Variants in RFX4 observed in about 807,000 individuals in gnomAD.
The protein encoded by RFX4 is transcription factor RFX4.
RFX4 carries 10 observed loss-of-function variants against 95.0 expected under a neutral mutation model. That is an observed-to-expected ratio of 0.11 (90% CI 0.06 to 0.18). The LOEUF (loss-of-function observed/expected upper bound fraction) is 0.18, where lower values mean the gene tolerates loss of function less well. RFX4 is among the 10% of genes least tolerant of loss of function. RFX4 has a pLI of 1.00. For synonymous variants in RFX4, 321 were observed against 340.7 expected (o/e 0.94, Z 0.64); for missense variants, 640 against 922.0 (o/e 0.69, Z 3.96).
intron 7 of RFX4, among the ~76,000 whole-genome samples, chr12:106,691,350 C>A (rs1283899760): frequency 6.6e-6 from 1 of 152,204 alleles, no homozygotes; most frequent in Non-Finnish European, 1.5e-5. Context: ...CAAGGTCACA[C>A]AGTTGGTTAG....
At chr12:106,737,317 C>T (rs1464448866) in intron 15 of RFX4, among the ~76,000 whole-genome samples, 1 of 151,476 alleles carries the variant, frequency 6.6e-6, no homozygotes, top group Non-Finnish European at 1.5e-5. Flanking sequence ...GTGCTAAACA[C>T]TTTCGGATAG....
chr12:106,696,544 C>G, intron 8 of RFX4, 98 bp downstream of exon 8: 1 of 1,312,302 alleles, frequency 7.6e-7, no homozygotes, highest in Non-Finnish European at 1.0e-6. Flanking sequence ...GTCCAGAGGC[C>G]TCCCTTGTAA....
chr12:106,590,948 G>GA (rs1003352612), intron 1 of RFX4, among the ~76,000 whole-genome samples: 2 of 148,646 alleles, frequency 1.3e-5, no homozygotes, highest in African/African-American at 5.0e-5. Context: ...CTGTCTCAAA[G>GA]AAAAAAATAA....
At position 106,586,160 on chromosome 12, in the gene RFX4, C is replaced by G. The variant is rs991594091; in HGVS notation, c.43+2797C>G. 2.0e-5 allele frequency among the ~76,000 whole-genome samples: 3 copies of G among 152,146 alleles called. No homozygotes were observed. Among genetic ancestry groups the G allele is most frequent in the Non-Finnish European group, 2.9e-5 (2 of 68,006 alleles). On this transcript the variant is annotated intron_variant, in intron 1 of 17. Transcript: ENST00000392842. This position sits in a 1 kb window ranked among gnomAD's most constrained non-coding sequence, Gnocchi z 5.6. ...CCAGCTTGCCGCGCGCCGCGGTGCT[C>G]CGGCAGGAGGCAAAGGCGACAGGCG...
chr12:106,619,762 G>A (rs939870291), intron 2 of RFX4, among the ~76,000 whole-genome samples: 1 of 152,010 alleles, frequency 6.6e-6, no homozygotes, highest in South Asian at 2.1e-4. Flanking sequence ...TTTTGCTCTG[G>A]TTTGTCCATC....
At chr12:106,632,693 C>CT (rs1362795007) in intron 2 of RFX4, among the ~76,000 whole-genome samples, 6 of 152,116 alleles carry the variant, frequency 3.9e-5, no homozygotes, top group Non-Finnish European at 7.3e-5. Flanking sequence ...TTTAATTTTA[C>CT]TTTACTTTTG....
chr12:106,663,808 T>C (rs1259267766), intron 4 of RFX4, among the ~76,000 whole-genome samples: 1 of 151,914 alleles, frequency 6.6e-6, no homozygotes, highest in Non-Finnish European at 1.5e-5. Context: ...AAATACTTTT[T>C]GTGCATCTGT....
intron 17 of RFX4, among the ~76,000 whole-genome samples, chr12:106,759,874 C>T (rs368108340): frequency 6.6e-6 from 1 of 152,120 alleles, no homozygotes; most frequent in East Asian, 1.9e-4. Flanking sequence ...AAATTGGGAT[C>T]CCTCTTTCTT....
intron 2 of RFX4, among the ~76,000 whole-genome samples, chr12:106,627,221 G>A (rs1056546568): frequency 1.3e-5 from 2 of 152,174 alleles, no homozygotes; most frequent in Non-Finnish European, 2.9e-5. Context: ...ACCACTTAAG[G>A]TGACTCATCA....
At chr12:106,596,083 C>G (rs2039613676) in intron 1 of RFX4, among the ~76,000 whole-genome samples, 1 of 152,158 alleles carries the variant, frequency 6.6e-6, no homozygotes, top group African/African-American at 2.4e-5. Context: ...TTCCCCCAAC[C>G]CCCACACACA....
chr12:106,738,632 A>AT (rs1491232892), intron 15 of RFX4, among the ~76,000 whole-genome samples: 12 of 152,192 alleles, frequency 7.9e-5, no homozygotes, highest in African/African-American at 2.7e-4. Context: ...TTGTTCTCAG[A>AT]TATCTCCATG....
intron 7 of RFX4, among the ~76,000 whole-genome samples, chr12:106,692,362 A>G (rs2041801273): frequency 6.6e-6 from 1 of 152,058 alleles, no homozygotes; most frequent in African/African-American, 2.4e-5. Flanking sequence ...AATTATACCT[A>G]TCTCATAGTG....
chr12:106,628,762 C>CTTTTTTTTTTTTT (rs397850563), intron 2 of RFX4, among the ~76,000 whole-genome samples: 1 of 133,270 alleles, frequency 7.5e-6, no homozygotes, highest in Non-Finnish European at 1.6e-5. Flanking sequence ...ATATATGTTC[C>CTTTTTTTTTTTTT]TTTTTTTTTT....
intron 13 of RFX4, among the ~76,000 whole-genome samples, chr12:106,729,218 C>CAAA: frequency 6.6e-6 from 1 of 152,290 alleles, no homozygotes; most frequent in East Asian, 1.9e-4. Flanking sequence ...TTTCATAGTA[C>CAAA]ATTTCTCTCT....
At chr12:106,705,753 T>G (rs1592962143) in intron 8 of RFX4, among the ~76,000 whole-genome samples, 1 of 150,506 alleles carries the variant, frequency 6.6e-6, no homozygotes, top group Non-Finnish European at 1.5e-5. Flanking sequence ...ATAAGGAGGG[T>G]AGGGAGGGGG....
At chr12:106,601,311 G>A (rs376444772) in intron 1 of RFX4, 14 of 1,595,858 alleles carry the variant, frequency 8.8e-6, no homozygotes, top group Admixed American at 1.7e-5. Context: ...GGTGCGGGAG[G>A]CGACAGGACC....
rs1416248352 is a variant in RFX4 at position 106,654,272 on chromosome 12, G to A, written c.236G>A (p.Arg79His). Residue 79 changes from arginine to histidine, a missense_variant, in exon 4 of 18, where the codon CGC becomes CAC. Arg to His is a conservative substitution (Grantham distance 29). Coordinates refer to ENST00000392842, the MANE Select transcript of RFX4 (RefSeq NM_213594.3). ...ATTGCAGAGGGGGTCTGCATCCCTC[G>A]CAGTGCCCTCTATATGCATTACCTG... The part of the protein sequence containing the change: ...YEIAEGVCIP[R>H]SALYMHYLDF... 1.9e-6 allele frequency: 3 copies of A among 1,613,916 alleles called. No homozygotes were observed. Among genetic ancestry groups the A allele is most frequent in the Non-Finnish European group, 2.5e-6 (3 of 1,179,920 alleles).
At chr12:106,719,203 A>G (rs1333079212) in intron 11 of RFX4, among the ~76,000 whole-genome samples, 1 of 152,204 alleles carries the variant, frequency 6.6e-6, no homozygotes, top group Non-Finnish European at 1.5e-5. Flanking sequence ...GTAAAGTGGT[A>G]GGATTATCTC....
chr12:106,585,033 C>A (rs918633925), intron 1 of RFX4, among the ~76,000 whole-genome samples: 1 of 152,234 alleles, frequency 6.6e-6, no homozygotes, highest in Middle Eastern at 3.2e-3. Context: ...TCATCTCAAG[C>A]GCTGCGCCCT....
Sources: allele counts gnomAD v4.1 joint callset (sites outside exome capture counted in the v4.1 genomes callset), GRCh38; gene constraint gnomAD v4.1.1; non-coding constraint Gnocchi (gnomAD v3.1); transcripts MANE v1.5; gene names NCBI Gene and HGNC (gene_info 2026-07-23, HGNC 2026-07-21).